The following SCUBE1 variants were observed in gnomAD, a reference collection of about 807,000 sequenced individuals.
SCUBE1 encodes signal peptide, CUB and EGF-like domain-containing protein 1.
Under a neutral mutation model 124.4 loss-of-function variants are expected in SCUBE1, and 59 were observed. That is an observed-to-expected ratio of 0.47 (90% CI 0.38 to 0.59). The LOEUF (loss-of-function observed/expected upper bound fraction) is 0.59. SCUBE1 is among the 20% of genes least tolerant of loss of function. SCUBE1 has a pLI of 0.00. For synonymous variants in SCUBE1, 545 were observed against 550.9 expected (o/e 0.99, Z 0.15); for missense variants, 1,150 against 1,371.2 (o/e 0.84, Z 2.55).
chr22:43,257,123 C>T (rs949046787), intron 6 of SCUBE1, among the ~76,000 whole-genome samples: 1 of 152,240 alleles, frequency 6.6e-6, no homozygotes. Context: ...ATGACAGCCC[C>T]GGACTACAGA....
intron 3 of SCUBE1, among the ~76,000 whole-genome samples, chr22:43,303,178 C>T (rs1413805744): frequency 1.3e-5 from 2 of 152,260 alleles, no homozygotes; most frequent in African/African-American, 2.4e-5. Flanking sequence ...TTCCACCCTC[C>T]AAAGCTATGT....
intron 6 of SCUBE1, among the ~76,000 whole-genome samples, chr22:43,256,069 T>C (rs764573536): frequency 6.6e-6 from 1 of 152,118 alleles, no homozygotes; most frequent in Non-Finnish European, 1.5e-5. Context: ...CAGCAGAGGC[T>C]CCGTCACAGG....
chr22:43,247,948 G>A (rs1923282933), intron 6 of SCUBE1, among the ~76,000 whole-genome samples: 2 of 152,236 alleles, frequency 1.3e-5, no homozygotes. Context: ...GGTCACAGAG[G>A]GCACTGAGGT....
At chr22:43,273,558 C>G (rs896964864) in intron 4 of SCUBE1, among the ~76,000 whole-genome samples, 1 of 80,660 alleles carries the variant, frequency 1.2e-5, no homozygotes, top group African/African-American at 3.9e-5. Flanking sequence ...AGACTAAAAC[C>G]CTCTTTTTTT....
chr22:43,228,000 T>C (rs909166793), intron 9 of SCUBE1, among the ~76,000 whole-genome samples: 2 of 152,184 alleles, frequency 1.3e-5, no homozygotes, highest in Non-Finnish European at 2.9e-5. Flanking sequence ...CACATTCTGT[T>C]AGTTCTTGAG....
intron 3 of SCUBE1, among the ~76,000 whole-genome samples, chr22:43,319,178 G>A (rs1223008179): frequency 6.6e-6 from 1 of 152,124 alleles, no homozygotes; most frequent in Non-Finnish European, 1.5e-5. Context: ...TGGAGACAGG[G>A]CCTTTAGAGA....
intron 10 of SCUBE1, among the ~76,000 whole-genome samples, chr22:43,223,985 C>T (rs1179296116): frequency 6.6e-6 from 1 of 152,208 alleles, no homozygotes; most frequent in East Asian, 1.9e-4. Flanking sequence ...AGCTTTGCCC[C>T]AAATCCCCAG....
intron 10 of SCUBE1, among the ~76,000 whole-genome samples, chr22:43,226,336 G>T (rs142570686): frequency 0.016 from 2,465 of 152,280 alleles, 33 homozygotes; most frequent in Middle Eastern, 0.071. Flanking sequence ...GATGGGTGCG[G>T]AAGTGGCCAA....
chr22:43,229,030 G>A (rs1352749530), intron 9 of SCUBE1, 42 bp downstream of exon 9: 30 of 1,454,342 alleles, frequency 2.1e-5, no homozygotes, highest in Middle Eastern at 2.0e-4. Context: ...GGCCAGGCGC[G>A]TGCCTCGGGG....
chr22:43,343,176 G>T lies in SCUBE1; in HGVS notation c.86C>A (p.Pro29Gln). Residue 29 changes from proline (P) to glutamine (Q), a missense_variant and splice_region_variant, in exon 1 of 22, where the codon CCA becomes CAA. By Grantham distance (76) the Pro-to-Gln change is moderately conservative (BLOSUM62 -1). Coordinates refer to ENST00000360835, the MANE Select transcript of SCUBE1 (RefSeq NM_173050.5). ...RGRLAGGSGL[P>Q]GSVDVDECSE... ...CCCCACCTCGGTCGGGGGCTTACCTGGGAGCCCGCTGCCCCCGGCCAGCCG... is the reference window on the plus strand; with the variant it reads ...CCCCACCTCGGTCGGGGGCTTACCTTGGAGCCCGCTGCCCCCGGCCAGCCG... 3.4e-6 allele frequency: 4 copies of T among 1,175,614 alleles called. No individual in the cohort carries two copies. The highest frequency in any genetic ancestry group is 4.2e-6 in the Non-Finnish European group (4 of 952,922). 72.8% of individuals were successfully genotyped at this position (1,175,614 alleles called of 1,614,324 possible).
chr22:43,230,289 A>G (rs1922498822), intron 8 of SCUBE1, among the ~76,000 whole-genome samples: 1 of 151,986 alleles, frequency 6.6e-6, no homozygotes, highest in South Asian at 2.1e-4. Context: ...CCTAGGAGCC[A>G]CCCTGGCAGG....
intron 10 of SCUBE1, among the ~76,000 whole-genome samples, chr22:43,225,400 G>A (rs1301408298): frequency 6.6e-6 from 1 of 151,986 alleles, no homozygotes; most frequent in African/African-American, 2.4e-5. Flanking sequence ...TGTCCCGGAT[G>A]ATCAGATCTG....
chr22:43,235,827 C>T (rs571619385), intron 7 of SCUBE1, among the ~76,000 whole-genome samples: 7 of 152,222 alleles, frequency 4.6e-5, no homozygotes, highest in Admixed American at 3.3e-4. Context: ...TTGGAGGGAC[C>T]GATTAGCAAG....
intron 3 of SCUBE1, among the ~76,000 whole-genome samples, chr22:43,293,686 C>T (rs1925456106): frequency 2.0e-5 from 3 of 152,206 alleles, no homozygotes; most frequent in South Asian, 4.1e-4. Context: ...GGGCAGCTGT[C>T]CCTGGGACTC....
At chr22:43,264,805 C>T (rs568161442) in intron 4 of SCUBE1, among the ~76,000 whole-genome samples, 1 of 152,346 alleles carries the variant, frequency 6.6e-6, no homozygotes, top group South Asian at 2.1e-4. Flanking sequence ...CCTCCTGGGC[C>T]GGACACCCTC....
At chr22:43,313,292 T>C (rs1024464731) in intron 3 of SCUBE1, among the ~76,000 whole-genome samples, 3 of 152,112 alleles carry the variant, frequency 2.0e-5, no homozygotes, top group Non-Finnish European at 4.4e-5. Context: ...TGACTTCTCT[T>C]CAACAGGGAA....
chr22:43,276,812 T>C (rs868751654), intron 4 of SCUBE1, among the ~76,000 whole-genome samples: 1 of 152,306 alleles, frequency 6.6e-6, no homozygotes, highest in Middle Eastern at 3.4e-3. Context: ...ACAGGACACA[T>C]GGTGTTTCCA....
chr22:43,229,355 G>A (rs533005597), intron 8 of SCUBE1, among the ~76,000 whole-genome samples, 167 bp from the exon 9 acceptor site: 15 of 152,336 alleles, frequency 9.8e-5, no homozygotes, highest in African/African-American at 3.4e-4. Flanking sequence ...CTTGCTGCTC[G>A]ACTTTCCATT....
intron 19 of SCUBE1, 86 bp downstream of exon 19, chr22:43,209,957 C>T: frequency 7.0e-7 from 1 of 1,418,902 alleles, no homozygotes; most frequent in Non-Finnish European, 9.6e-7. Flanking sequence ...CCTGTGAAGG[C>T]AGCGATCCCG....
Sources: allele counts gnomAD v4.1 joint callset (sites outside exome capture counted in the v4.1 genomes callset), GRCh38; gene constraint gnomAD v4.1.1; transcripts MANE v1.5; gene names NCBI Gene and HGNC (gene_info 2026-07-23, HGNC 2026-07-21).